The following CLIC5 variants were observed in gnomAD, a reference collection of about 807,000 sequenced individuals.
CLIC5 encodes the protein chloride intracellular channel protein 5.
A neutral mutation model predicts 24.7 loss-of-function variants in CLIC5; 20 were observed. That is an observed-to-expected ratio of 0.81 (90% CI 0.57 to 1.18). CLIC5 has a LOEUF of 1.18. Among genes scored for constraint, CLIC5 ranks in the 50% most tolerant of loss-of-function variants. The pLI is 0.00. For missense variants in CLIC5, 341 were observed against 326.1 expected (o/e 1.05, Z -0.35); for synonymous variants, 159 against 135.6 (o/e 1.17, Z -1.20).
chr6:46,108,521 C>T, the CLIC5 span, among the ~76,000 whole-genome samples: 3 of 151,928 alleles, frequency 2.0e-5, no homozygotes, highest in Non-Finnish European at 4.4e-5. Flanking sequence ...CTCAGCCTCC[C>T]AAGTAGCTGA....
At chr6:46,024,755 T>C (rs779410435) in intron 1 of CLIC5, among the ~76,000 whole-genome samples, 2 of 152,204 alleles carry the variant, frequency 1.3e-5, no homozygotes, top group Non-Finnish European at 2.9e-5. Context: ...AGGCAAGAGG[T>C]GGTCTATATG....
At chr6:45,890,870 C>G (rs1466565938) in intron 6 of CLIC5, among the ~76,000 whole-genome samples, 1 of 151,910 alleles carries the variant, frequency 6.6e-6, no homozygotes, top group East Asian at 1.9e-4. Flanking sequence ...GGAATCTTAA[C>G]AACTCAGAAG....
rs1002581509 is a variant in CLIC5, at chr6:46,071,358, A to G, written c.540+8345T>C. Among the ~76,000 whole-genome samples, 7 of 152,174 alleles carry G rather than the reference A, an allele frequency of 4.6e-5. No individual in the cohort carries two copies. The South Asian group carries it at 1.0e-3, about 23-fold the overall frequency. ...ATGTAATATCCAGCATCTAAAAGGA[A>G]CTTAAATTTTTTTTCATATAAATTT... On this transcript the variant is annotated intron_variant, in intron 1 of 5. Coordinates refer to the CLIC5 transcript ENST00000185206.
Position 45,941,603 on chromosome 6 carries a change from T to C in CLIC5, c.350A>G (p.Asp117Gly), listed in dbSNP as rs560554623. Residue 117 changes from aspartate to glycine, a missense_variant, in exon 4 of 6, where the codon GAC becomes GGC. Asp to Gly is a moderately conservative substitution (Grantham distance 94). Transcript: ENST00000339561. ...KHRESNTAGI[D>G]IFSKFSAYIK... The stretch of plus-strand genomic sequence containing the variant: ...GTAGGCAGAAAACTTGGAAAAGATG[T>C]CGATGCCCGCTGTGTTGGATTCCCG... 1.6e-5 allele frequency: 26 copies of C among 1,613,960 alleles called. 1 individual carries two copies. In the South Asian group the frequency reaches 2.4e-4, roughly 15 times the overall value.
At chr6:46,085,401 G>T in the CLIC5 span, among the ~76,000 whole-genome samples, 1 of 152,084 alleles carries the variant, frequency 6.6e-6, no homozygotes. Flanking sequence ...CCATCTTTGT[G>T]GTTTTATCTA....
Position 45,967,338 on chromosome 6 carries a change from G to A in CLIC5, c.64-12094C>T, listed in dbSNP as rs547229628. On this transcript the variant is annotated intron_variant, in intron 1 of 5. Coordinates refer to ENST00000339561, the MANE Select transcript of CLIC5 (RefSeq NM_016929.5). ...TCTCTTGAGAAGCTATCACACAACA[G>A]AGGCAGCAAAAGGTAAAGACATGAT... Among the ~76,000 whole-genome samples, 6 of 152,352 alleles carry A rather than the reference G, an allele frequency of 3.9e-5. No homozygotes were observed. In the South Asian group the frequency reaches 1.2e-3, roughly 32 times the overall value.
downstream of CLIC5, among the ~76,000 whole-genome samples, chr6:45,895,050 T>C (rs959607597): frequency 7.2e-5 from 11 of 152,180 alleles, no homozygotes; most frequent in Non-Finnish European, 1.5e-4. Context: ...TATTCCTATC[T>C]CACTAGAAAA....
the CLIC5 span, among the ~76,000 whole-genome samples, chr6:46,120,522 T>A: frequency 6.6e-6 from 1 of 152,106 alleles, no homozygotes; most frequent in Non-Finnish European, 1.5e-5. Context: ...AAAATCAGAG[T>A]GCCTCTCCTC....
chr6:46,076,644 C>A (rs1762778568), intron 1 of CLIC5, among the ~76,000 whole-genome samples: 1 of 152,162 alleles, frequency 6.6e-6, no homozygotes, highest in Non-Finnish European at 1.5e-5. Context: ...CCATAAGACT[C>A]ATTTCAGACT....
In CLIC5 at chr6:45,968,179, A is replaced by G. The variant is rs960117247; in HGVS notation, c.64-12935T>C. On this transcript the variant is annotated intron_variant, in intron 1 of 5. Coordinates refer to ENST00000339561, the MANE Select transcript of CLIC5 (RefSeq NM_016929.5). ...GGTCTCTGTGTCTTCCCAATCTGCTATCTCCACCATCATGCATCTCTAAAC... is the reference window on the plus strand; with the variant it reads ...GGTCTCTGTGTCTTCCCAATCTGCTGTCTCCACCATCATGCATCTCTAAAC... Among the ~76,000 whole-genome samples the G allele has an allele frequency of 7.9e-5, 12 of 152,158 alleles. 1 individual carries two copies. Among genetic ancestry groups the G allele is most frequent in the African/African-American group, 2.4e-4 (10 of 41,450 alleles).
intron 1 of CLIC5, among the ~76,000 whole-genome samples, chr6:45,997,637 C>CA (rs1382028929): frequency 6.6e-6 from 1 of 151,870 alleles, no homozygotes; most frequent in Non-Finnish European, 1.5e-5. Context: ...ACATCAATAA[C>CA]AAAATCAGTT....
intron 6 of CLIC5, among the ~76,000 whole-genome samples, chr6:45,886,515 CG>C (rs1193835092): frequency 6.6e-6 from 1 of 152,064 alleles, no homozygotes; most frequent in South Asian, 2.1e-4. Flanking sequence ...CACCAGCTCA[CG>C]GGGAGTAAGT....
chr6:46,014,455 A>C (rs565560377), intron 1 of CLIC5: 39 of 152,282 alleles, frequency 2.6e-4, no homozygotes, highest in African/African-American at 9.4e-4. Flanking sequence ...TTCCCTTCTC[A>C]GCGATCTGCA....
intron 4 of CLIC5, among the ~76,000 whole-genome samples, chr6:45,915,113 A>G (rs146575244): frequency 0.02 from 2,935 of 148,180 alleles, 39 homozygotes; most frequent in Admixed American, 0.035. Context: ...TATTTTTAGT[A>G]GAGACGGAGT....
chr6:45,958,445 T>TACACACACACAC (rs1414421064), intron 1 of CLIC5, among the ~76,000 whole-genome samples: 12 of 76,440 alleles, frequency 1.6e-4, no homozygotes, highest in South Asian at 5.3e-4. Context: ...TATATATATA[T>TACACACACACAC]ATATATATAT....
chr6:46,099,196 C>T, the CLIC5 span, among the ~76,000 whole-genome samples: 2 of 152,156 alleles, frequency 1.3e-5, no homozygotes, highest in African/African-American at 4.8e-5. Flanking sequence ...CAGGCACTCC[C>T]CCAGAATAGG....
chr6:46,092,122 G>A, the CLIC5 span, among the ~76,000 whole-genome samples: 1 of 152,066 alleles, frequency 6.6e-6, no homozygotes, highest in Non-Finnish European at 1.5e-5. Context: ...TACTCTATAC[G>A]CAATTCATTT....
chr6:46,117,592 A>G, the CLIC5 span, among the ~76,000 whole-genome samples: 2 of 152,230 alleles, frequency 1.3e-5, no homozygotes, highest in South Asian at 2.1e-4. Flanking sequence ...TAATCACACT[A>G]TTAGGAAGAA....
chr6:45,930,732 A>C (rs2127350074), intron 4 of CLIC5, among the ~76,000 whole-genome samples: 1 of 152,352 alleles, frequency 6.6e-6, no homozygotes, highest in Non-Finnish European at 1.5e-5. Context: ...CAGCAGCAAC[A>C]GCAGCAGCAA....
Sources: allele counts gnomAD v4.1 joint callset (sites outside exome capture counted in the v4.1 genomes callset), GRCh38; gene constraint gnomAD v4.1.1; transcripts MANE v1.5; gene names NCBI Gene and HGNC (gene_info 2026-07-23, HGNC 2026-07-21).